MDGA2: variants seen among roughly 807,000 people sequenced by gnomAD.
MDGA2 encodes the protein MAM domain containing glycosylphosphatidylinositol anchor 2.
In MDGA2, 40 loss-of-function variants were observed where a neutral mutation model predicts 117.8. The ratio of observed to expected loss-of-function variants is 0.34; its 90% CI spans 0.26 to 0.44. MDGA2 has a LOEUF of 0.44. MDGA2 is among the 20% of genes least tolerant of loss of function. MDGA2 has a pLI of 1.00. For missense variants in MDGA2, 1,123 were observed against 1,250.6 expected (o/e 0.90, Z 1.54); for synonymous variants, 452 against 439.0 (o/e 1.03, Z -0.37).
intron 3 of MDGA2, among the ~76,000 whole-genome samples, chr14:47,202,567 T>G (rs1885547258): frequency 1.3e-5 from 2 of 152,174 alleles, no homozygotes; most frequent in African/African-American, 4.8e-5. Context: ...CTGACCTTCC[T>G]GAGCTCTGAC....
chr14:47,145,411 G>A (rs1882901180), intron 3 of MDGA2, among the ~76,000 whole-genome samples: 1 of 152,072 alleles, frequency 6.6e-6, no homozygotes, highest in Non-Finnish European at 1.5e-5. Flanking sequence ...ACCAGCTTTG[G>A]CTAATGGGCC....
At chr14:46,949,550 T>C (rs1396506906) in intron 9 of MDGA2, among the ~76,000 whole-genome samples, 1 of 152,012 alleles carries the variant, frequency 6.6e-6, no homozygotes, top group Non-Finnish European at 1.5e-5. Context: ...ATTATTTCCA[T>C]CTTTATGTCC....
intron 1 of MDGA2, among the ~76,000 whole-genome samples, chr14:47,361,186 A>ACTCT (rs374880544): frequency 0.046 from 6,607 of 142,122 alleles, 490 homozygotes; most frequent in African/African-American, 0.16. Context: ...GTCATGTTGT[A>ACTCT]CTCTCTCTCT....
chr14:47,485,916 G>A (rs1162079322), intron 1 of MDGA2, among the ~76,000 whole-genome samples: 2 of 152,232 alleles, frequency 1.3e-5, no homozygotes, highest in Admixed American at 6.5e-5. Flanking sequence ...TGCTGCAGGG[G>A]CAGGGAGGGC....
chr14:47,002,637 G>A (rs1887572689), intron 8 of MDGA2, among the ~76,000 whole-genome samples: 1 of 152,022 alleles, frequency 6.6e-6, no homozygotes, highest in Non-Finnish European at 1.5e-5. Context: ...GCTGAGGTAG[G>A]AGAATTGCTT....
intron 1 of MDGA2, among the ~76,000 whole-genome samples, chr14:47,551,560 C>T (rs561569979): frequency 6.6e-6 from 1 of 152,220 alleles, no homozygotes; most frequent in East Asian, 1.9e-4. Flanking sequence ...CAACCTTTCC[C>T]CCAATTTGAT....
At chr14:47,324,565 C>G (rs1004584185) in intron 1 of MDGA2, among the ~76,000 whole-genome samples, 1 of 152,066 alleles carries the variant, frequency 6.6e-6, no homozygotes, top group Non-Finnish European at 1.5e-5. Flanking sequence ...AATATTATCA[C>G]AAGAGTATTC....
At chr14:47,518,863 T>G (rs1894808764) in intron 1 of MDGA2, among the ~76,000 whole-genome samples, 1 of 152,232 alleles carries the variant, frequency 6.6e-6, no homozygotes. Context: ...GTTTTCATTT[T>G]CCAACTTTTG....
At chr14:46,984,400 T>C (rs1886791479) in intron 8 of MDGA2, among the ~76,000 whole-genome samples, 1 of 152,020 alleles carries the variant, frequency 6.6e-6, no homozygotes, top group South Asian at 2.1e-4. Flanking sequence ...TTATATTTTG[T>C]ATATTTTATG....
chr14:47,661,343 A>T (rs1481927819), intron 1 of MDGA2, among the ~76,000 whole-genome samples: 1 of 152,228 alleles, frequency 6.6e-6, no homozygotes, highest in Non-Finnish European at 1.5e-5. Context: ...ATGTGTATAA[A>T]ACTTCTAATA....
Position 47,335,747 on chromosome 14 carries a change from T to TATATACAC in MDGA2, c.281-34198_281-34197insGTGTATAT, listed in dbSNP as rs1055245438. Among the ~76,000 whole-genome samples the TATATACAC allele has an allele frequency of 2.0e-3, 139 of 68,662 alleles. 13 individuals are homozygous for TATATACAC. The highest frequency in any genetic ancestry group is 5.8e-3 in the African/African-American group (133 of 22,864). The allele number at this position is 68,662 out of a possible 152,430, so 45.0% of individuals were successfully genotyped here. A position where few individuals can be genotyped will look rare whatever the true frequency, so the allele number is the denominator to read the frequency against. On this transcript the variant is annotated intron_variant, in intron 1 of 16. Coordinates refer to ENST00000399232, the MANE Select transcript of MDGA2 (RefSeq NM_001113498.3). ...CACACATATATTTTATATATATATATACATACATACATACAGGATCACTCT... is the reference window on the plus strand; with the variant it reads ...CACACATATATTTTATATATATATATATATACACACATACATACATACAGGATCACTCT...
At chr14:47,368,308 T>A (rs2416056) in intron 1 of MDGA2, among the ~76,000 whole-genome samples, 111,691 of 151,748 alleles carry the variant, frequency 0.74, 41,287 homozygotes, top group Middle Eastern at 0.84. Context: ...TAATAAAAAT[T>A]AAAAAAAAGA....
chr14:46,870,818 A>G (rs1207764950), intron 14 of MDGA2: 1 of 152,080 alleles, frequency 6.6e-6, no homozygotes, highest in Non-Finnish European at 1.5e-5. Flanking sequence ...AGTTAAAAGT[A>G]TATTATAATG....
At chr14:47,615,785 T>G (rs1028979374) in intron 1 of MDGA2, among the ~76,000 whole-genome samples, 2 of 152,146 alleles carry the variant, frequency 1.3e-5, no homozygotes, top group African/African-American at 4.8e-5. Context: ...CCGTGATTAT[T>G]AATAAAGTGG....
intron 1 of MDGA2, among the ~76,000 whole-genome samples, chr14:47,562,559 G>A (rs1895836971): frequency 6.6e-6 from 1 of 152,116 alleles, no homozygotes; most frequent in African/African-American, 2.4e-5. Flanking sequence ...GAGGATTTTT[G>A]TATTTCTGGG....
chr14:47,381,110 C>T (rs1273401504), intron 1 of MDGA2, among the ~76,000 whole-genome samples: 3 of 152,136 alleles, frequency 2.0e-5, no homozygotes, highest in East Asian at 3.9e-4. Flanking sequence ...AGACAAAAAC[C>T]ACATGATTAT....
chr14:46,879,638 T>G (rs1394541968), intron 11 of MDGA2, among the ~76,000 whole-genome samples: 3 of 152,132 alleles, frequency 2.0e-5, no homozygotes, highest in Admixed American at 6.6e-5. Flanking sequence ...TAAAATCTCT[T>G]AAGGAAAGTC....
chr14:47,559,423 G>A (rs1275843062), intron 1 of MDGA2, among the ~76,000 whole-genome samples: 1 of 152,088 alleles, frequency 6.6e-6, no homozygotes, highest in African/African-American at 2.4e-5. Flanking sequence ...CAAAGGACAT[G>A]ATCTTGTTCT....
chr14:47,387,408 G>A (rs895677269), intron 1 of MDGA2, among the ~76,000 whole-genome samples: 6 of 151,200 alleles, frequency 4.0e-5, no homozygotes, highest in African/African-American at 7.3e-5. Context: ...TCACGCACTC[G>A]GATCTTTGTG....
Sources: allele counts gnomAD v4.1 joint callset (sites outside exome capture counted in the v4.1 genomes callset), GRCh38; gene constraint gnomAD v4.1.1; transcripts MANE v1.5; gene names NCBI Gene and HGNC (gene_info 2026-07-23, HGNC 2026-07-21).